SYT16: variants seen among roughly 807,000 people sequenced by gnomAD.
SYT16 encodes synaptotagmin-16.
SYT16 carries 42 observed loss-of-function variants against 61.4 expected under a neutral mutation model. That is an observed-to-expected ratio of 0.68 (90% CI 0.53 to 0.89). The LOEUF (loss-of-function observed/expected upper bound fraction) is 0.89. Ranked by LOEUF, SYT16 falls within the 40% of genes least tolerant of loss-of-function variation. The pLI is 0.00. For missense variants in SYT16, 804 were observed against 807.3 expected (o/e 1.00, Z 0.05); for synonymous variants, 314 against 302.3 (o/e 1.04, Z -0.40).
intron 3 of SYT16, among the ~76,000 whole-genome samples, chr14:62,000,099 ATTTTTTTTTTTTTTTT>A: frequency 4.2e-4 from 8 of 18,950 alleles, no homozygotes; most frequent in African/African-American, 1.7e-3. Flanking sequence ...TTGTCTCTCG[ATTTTTTTTTTTTTTTT>A]TTTTTTTTTT....
chr14:62,022,013 A>G (rs2140761844), intron 3 of SYT16, among the ~76,000 whole-genome samples: 1 of 151,772 alleles, frequency 6.6e-6, no homozygotes, highest in South Asian at 2.1e-4. Context: ...GGTTCAATAA[A>G]AGTTATAATT....
intron 6 of SYT16, among the ~76,000 whole-genome samples, chr14:62,083,146 A>G (rs4902101): frequency 0.48 from 63,594 of 133,290 alleles, 13,817 homozygotes; most frequent in East Asian, 0.64. Flanking sequence ...ATACAGCCTC[A>G]GGTTAGGTGG....
chr14:62,102,550 G>A lies in SYT16; in HGVS notation c.*1843G>A, dbSNP rs923537970. The A allele has an allele frequency of 1.2e-4, 19 of 152,134 alleles. No individual in the cohort carries two copies. Among genetic ancestry groups the A allele is most frequent in the African/African-American group, 4.6e-4 (19 of 41,420 alleles). The allele number at this position is 152,134 out of a possible 1,614,324, so 9.4% of individuals were successfully genotyped here. Reference sequence around the variant, plus strand: ...CATTAACTGCTGAGTGGTCTTTGCAGCGTGGCTAAGTCATTGAGTAGAACT... The same window carrying A: ...CATTAACTGCTGAGTGGTCTTTGCAACGTGGCTAAGTCATTGAGTAGAACT... On this transcript the variant is annotated 3_prime_UTR_variant, in exon 8 of 8. Transcript: ENST00000683842.
chr14:61,884,633 G>A (rs2047829778), intron 1 of SYT16, among the ~76,000 whole-genome samples: 1 of 152,236 alleles, frequency 6.6e-6, no homozygotes, highest in Non-Finnish European at 1.5e-5. Context: ...AAATTCGAGA[G>A]CAACAAGGCG....
chr14:61,890,448 T>C (rs1422488720), intron 1 of SYT16, among the ~76,000 whole-genome samples: 2 of 149,724 alleles, frequency 1.3e-5, no homozygotes, highest in Non-Finnish European at 3.0e-5. Context: ...GAGTTCCAGA[T>C]ACAGGTAGTT....
chr14:61,956,584 A>T (rs188227459), intron 1 of SYT16, among the ~76,000 whole-genome samples: 2 of 152,058 alleles, frequency 1.3e-5, no homozygotes, highest in East Asian at 3.9e-4. Context: ...CGTACTCTTG[A>T]CACCCTTGTC....
chr14:61,927,931 G>A (rs980526328), intron 1 of SYT16, among the ~76,000 whole-genome samples: 1 of 152,164 alleles, frequency 6.6e-6, no homozygotes, highest in African/African-American at 2.4e-5. Flanking sequence ...ATCATGCCTG[G>A]TTTAACTTGC....
At chr14:62,003,284 C>T (rs1214692594) in intron 3 of SYT16, among the ~76,000 whole-genome samples, 1 of 152,008 alleles carries the variant, frequency 6.6e-6, no homozygotes, top group Non-Finnish European at 1.5e-5. Flanking sequence ...TGCTCTCCAC[C>T]CGTCTTTCTT....
At chr14:62,043,913 T>C (rs1445216783) in intron 3 of SYT16, among the ~76,000 whole-genome samples, 1 of 152,044 alleles carries the variant, frequency 6.6e-6, no homozygotes, top group African/African-American at 2.4e-5. Flanking sequence ...CCTCAAGCAA[T>C]CCTCCTACCT....
intron 1 of SYT16, among the ~76,000 whole-genome samples, chr14:61,818,677 C>CA (rs61559295): frequency 0.059 from 4,333 of 73,722 alleles, 124 homozygotes; most frequent in African/African-American, 0.11. Context: ...GACTCTGTCT[C>CA]AAAAAAAAAA....
At position 61,978,692 on chromosome 14, in the gene SYT16, A is replaced by AG. The variant is rs149048022; in HGVS notation, c.-145+8382dup. ...GTCAGGGAGGGAAGTGCTTGACCAG[A>AG]GTGTTAACACTGGACCAGTGCCCCT... is the stretch of plus-strand genomic sequence containing the variant. On this transcript the variant is annotated intron_variant, in intron 2 of 7. Coordinates refer to ENST00000683842, the MANE Select transcript of SYT16 (RefSeq NM_001367656.1). Among the ~76,000 whole-genome samples the AG allele has an allele frequency of 9.4e-3, 1,437 of 152,302 alleles. 25 individuals are homozygous for AG. The highest frequency in any genetic ancestry group is 0.033 in the African/African-American group (1,367 of 41,556).
At chr14:61,878,629 T>C (rs2140314981) in intron 1 of SYT16, among the ~76,000 whole-genome samples, 1 of 152,358 alleles carries the variant, frequency 6.6e-6, no homozygotes, top group East Asian at 1.9e-4. Flanking sequence ...CCACCATTCA[T>C]ACCAAAACCT....
chr14:61,998,833 T>G (rs1215789337), intron 3 of SYT16, among the ~76,000 whole-genome samples: 1 of 151,910 alleles, frequency 6.6e-6, no homozygotes, highest in Admixed American at 6.6e-5. Flanking sequence ...GAAGTTCCCT[T>G]GTATTCTAGC....
At chr14:62,063,642 ACCC>A (rs2055926064) in intron 3 of SYT16, among the ~76,000 whole-genome samples, 2 of 151,754 alleles carry the variant, frequency 1.3e-5, no homozygotes, top group Non-Finnish European at 2.9e-5. Flanking sequence ...TCATACTAAG[ACCC>A]CACCATCCCG....
intron 7 of SYT16, among the ~76,000 whole-genome samples, chr14:62,087,478 C>T (rs934553409): frequency 6.6e-6 from 1 of 152,178 alleles, no homozygotes; most frequent in African/African-American, 2.4e-5. Flanking sequence ...CAATCATGCC[C>T]GACGGGGCGG....
chr14:61,965,680 T>G (rs2040968489), intron 1 of SYT16, among the ~76,000 whole-genome samples: 2 of 152,172 alleles, frequency 1.3e-5, no homozygotes, highest in Non-Finnish European at 2.9e-5. Flanking sequence ...AGGGAATGTT[T>G]AATATCTGTC....
At chr14:61,997,804 G>C in intron 3 of SYT16, among the ~76,000 whole-genome samples, 1 of 152,126 alleles carries the variant, frequency 6.6e-6, no homozygotes, top group Non-Finnish European at 1.5e-5. Context: ...ATTTGAAATT[G>C]ATATGAATTT....
chr14:61,870,736 C>T (rs1566640656), intron 1 of SYT16, among the ~76,000 whole-genome samples: 1 of 152,128 alleles, frequency 6.6e-6, no homozygotes, highest in Non-Finnish European at 1.5e-5. Context: ...CTGTTAATCT[C>T]ATCAGTGTAT....
chr14:62,069,004 C>T (rs2056182965), intron 3 of SYT16, among the ~76,000 whole-genome samples: 1 of 152,114 alleles, frequency 6.6e-6, no homozygotes, highest in African/African-American at 2.4e-5. Flanking sequence ...CCATATTGGC[C>T]AGGCTGGTCT....
Sources: gnomAD v4.1 joint callset for allele counts (sites outside exome capture counted in the v4.1 genomes callset) on GRCh38, gnomAD v4.1.1 for gene constraint, MANE v1.5 for transcripts, NCBI Gene and HGNC (gene_info 2026-07-23, HGNC 2026-07-21) for gene names.